Variants in KCMF1 observed in about 807,000 individuals in gnomAD.
KCMF1 encodes the protein potassium channel modulatory factor 1, also known as E3 ubiquitin-protein ligase KCMF1.
A neutral mutation model predicts 41.1 loss-of-function variants in KCMF1; 3 were observed. That is an observed-to-expected ratio of 0.07 (90% confidence interval 0.03 to 0.19). The LOEUF is 0.19. Ranked by LOEUF, KCMF1 falls within the 10% of genes least tolerant of loss-of-function variation. KCMF1 has a pLI of 1.00. For missense variants in KCMF1, 286 were observed against 488.9 expected (o/e 0.58, Z 3.91); for synonymous variants, 142 against 164.5 (o/e 0.86, Z 1.04).
At chr2:84,998,204 G>T (rs1214959884) in intron 1 of KCMF1, among the ~76,000 whole-genome samples, 2 of 151,872 alleles carry the variant, frequency 1.3e-5, no homozygotes, top group African/African-American at 4.8e-5. Flanking sequence ...CACTTCTCCT[G>T]CCTCAGCCTC....
intron 1 of KCMF1, among the ~76,000 whole-genome samples, chr2:84,974,691 ATTTTTTTTTTT>A (rs869056943): frequency 4.0e-3 from 58 of 14,626 alleles, no homozygotes; most frequent in Non-Finnish European, 4.6e-3. Context: ...ATATATATAT[ATTTTTTTTTTT>A]TTTTTTTTTT....
chr2:84,971,459 G>A lies in KCMF1; in HGVS notation c.8G>A (p.Arg3Gln), dbSNP rs1322457560. The A allele has an allele frequency of 7.8e-7, 1 of 1,281,690 alleles. No homozygotes were observed. Among genetic ancestry groups the A allele is most frequent in the Non-Finnish European group, 1.0e-6 (1 of 991,238 alleles). The allele number at this position is 1,281,690 out of a possible 1,614,324, so 79.4% of individuals were successfully genotyped here. ...GCCACCGTCTGAACTAGGATGTCCC[G>A]ACATGAAGGTGAGAGGAGCCCCCGC... MS[R>Q]HEGVSCDACL... is the part of the protein sequence containing the mutation. The change falls in exon 1 of 7, where the codon CGA (arginine) becomes CAA (glutamine). Residue 3 changes from arginine (R) to glutamine (Q), a missense_variant. This residue lies in a region of KCMF1 where 95 missense variants were observed against 209.6 expected (regional missense o/e 0.45). Coordinates refer to ENST00000409785, the MANE Select transcript of KCMF1 (RefSeq NM_020122.5).
At chr2:84,980,952 C>T (rs1312169656) in intron 1 of KCMF1, among the ~76,000 whole-genome samples, 1 of 151,836 alleles carries the variant, frequency 6.6e-6, no homozygotes, top group Admixed American at 6.6e-5. Flanking sequence ...AGCCTCATCT[C>T]TTCTATGGCC....
chr2:85,008,321 C>CATATATAATATATCATATGATATATA (rs1558573489), intron 1 of KCMF1, among the ~76,000 whole-genome samples: 1,594 of 43,880 alleles, frequency 0.036, 44 homozygotes, highest in Non-Finnish European at 0.053. Flanking sequence ...ATATATATAT[C>CATATATAATATATCATATGATATATA]ATATATAATA....
rs761546947 is a variant in KCMF1 at position 85,022,544 on chromosome 2, GT to G, written c.17-5343del. 2.0e-5 allele frequency among the ~76,000 whole-genome samples: 3 copies of G among 152,200 alleles called. No individual in the cohort carries two copies. In the East Asian group the frequency reaches 5.8e-4, roughly 29 times the overall value. On this transcript the variant is annotated intron_variant, in intron 1 of 6. Coordinates refer to ENST00000409785, the MANE Select transcript of KCMF1 (RefSeq NM_020122.5). ...CTGACAGTCCACTGACAGCCCAAAG[GT>G]TGTTGTAAACAATTCCAGCTTTGCT...
intron 1 of KCMF1, among the ~76,000 whole-genome samples, chr2:85,021,784 C>G (rs1674950913): frequency 6.6e-6 from 1 of 151,944 alleles, no homozygotes; most frequent in Non-Finnish European, 1.5e-5. Context: ...TTGTTAATGG[C>G]TAAGTAATAA....
Position 85,046,260 on chromosome 2 carries a change from G to T in KCMF1, c.583G>T (p.Ala195Ser). Residue 195 changes from alanine (A) to serine (S), a missense_variant, in exon 5 of 7, where the codon GCC (alanine) becomes TCC (serine). Physicochemically the swap from Ala to Ser is moderately conservative, Grantham distance 99. Around this residue, in one of 2 missense-constraint regions of KCMF1, gnomAD observed 191 missense variants for 279.3 expected, o/e 0.68. Coordinates refer to ENST00000409785, the MANE Select transcript of KCMF1 (RefSeq NM_020122.5). ...QSSYSPSNRE[A>S]MDPIAELLSQ... The stretch of plus-strand genomic sequence containing the variant: ...TTCATATTCTCCAAGCAATAGGGAA[G>T]CCATGGATCCTATAGCTGGTAAGTT... 1 of 1,612,558 alleles carries T rather than the reference G, an allele frequency of 6.2e-7. No individual in the cohort carries two copies. Among genetic ancestry groups the T allele is most frequent in the Non-Finnish European group, 8.5e-7 (1 of 1,179,112 alleles).
chr2:84,984,246 G>A (rs1673840267), intron 1 of KCMF1, among the ~76,000 whole-genome samples: 1 of 151,814 alleles, frequency 6.6e-6, no homozygotes, highest in South Asian at 2.1e-4. Context: ...GAAAAAATAA[G>A]TAAATAAAGT....
intron 5 of KCMF1, among the ~76,000 whole-genome samples, chr2:85,049,119 CAATTT>C (rs1476409835): frequency 2.0e-5 from 3 of 152,126 alleles, no homozygotes; most frequent in African/African-American, 7.2e-5. Context: ...ATTTTAAAGA[CAATTT>C]AAGTTTTACT....
intron 1 of KCMF1, among the ~76,000 whole-genome samples, chr2:84,978,682 A>G (rs1240913886): frequency 6.6e-6 from 1 of 151,420 alleles, no homozygotes; most frequent in Admixed American, 6.6e-5. Flanking sequence ...AAGTAGCTGC[A>G]TTACAGGCAT....
At chr2:85,032,196 G>T in intron 2 of KCMF1, among the ~76,000 whole-genome samples, 1 of 151,824 alleles carries the variant, frequency 6.6e-6, no homozygotes, top group South Asian at 2.1e-4. Flanking sequence ...CTTTGAGATG[G>T]AGTCTCCGTC....
rs1440741376 is a variant in KCMF1 at position 85,014,348 on chromosome 2, AAAAAGGATTATTATC to A, written c.17-13535_17-13521del. On this transcript the variant is annotated intron_variant, in intron 1 of 6. Transcript: ENST00000409785. ...TTCTGAAGGCATCTACTTCTGGGGA[AAAAAGGATTATTATC>A]AAAAGATATGCTTCAGTAGGCAACC... Among the ~76,000 whole-genome samples, 7 of 152,186 alleles carry A rather than the reference AAAAAGGATTATTATC, an allele frequency of 4.6e-5. No individual in the cohort carries two copies. The East Asian group carries it at 1.2e-3, about 25-fold the overall frequency.
chr2:85,008,827 C>A (rs1674585053), intron 1 of KCMF1, among the ~76,000 whole-genome samples: 1 of 150,064 alleles, frequency 6.7e-6, no homozygotes, highest in African/African-American at 2.5e-5. Context: ...TGCAGTGGCT[C>A]AATCTCACCT....
chr2:85,029,000 C>G (rs1232272985), intron 2 of KCMF1, among the ~76,000 whole-genome samples: 3 of 152,010 alleles, frequency 2.0e-5, no homozygotes, highest in African/African-American at 7.2e-5. Context: ...GACAGAGTCT[C>G]ACTCTGTCGC....
Position 85,043,700 on chromosome 2 carries a change from T to C in KCMF1, c.426+35T>C, listed in dbSNP as rs767166054. On this transcript the variant is annotated intron_variant, in intron 4 of 6. Transcript: ENST00000409785. ...TAAGAGATGACAAGGAAAAGAGTTGTTTGTAATGTTTGTCATTTTGATTTT... is the reference window on the plus strand; with the variant it reads ...TAAGAGATGACAAGGAAAAGAGTTGCTTGTAATGTTTGTCATTTTGATTTT... 3 of 1,356,692 alleles carry C rather than the reference T, an allele frequency of 2.2e-6. No homozygotes were observed. In the South Asian group the frequency reaches 3.6e-5, roughly 16 times the overall value. 84.0% of individuals were successfully genotyped at this position (1,356,692 alleles called of 1,614,324 possible).
intron 1 of KCMF1, among the ~76,000 whole-genome samples, chr2:84,991,515 G>A (rs1021359640): frequency 6.6e-6 from 1 of 152,104 alleles, no homozygotes; most frequent in Non-Finnish European, 1.5e-5. Context: ...ACATCATTTT[G>A]GTGGCCTGTG....
chr2:85,027,349 T>C (rs978200618), intron 1 of KCMF1, among the ~76,000 whole-genome samples: 1 of 151,188 alleles, frequency 6.6e-6, no homozygotes, highest in Non-Finnish European at 1.5e-5. Flanking sequence ...TTTTACCTTC[T>C]TGCTGGCTTA....
intron 1 of KCMF1, among the ~76,000 whole-genome samples, chr2:85,023,397 C>G (rs1367794937): frequency 2.0e-5 from 3 of 146,808 alleles, no homozygotes; most frequent in African/African-American, 7.6e-5. Context: ...CAGCTCACTG[C>G]AAGCTCCGCC....
intron 1 of KCMF1, among the ~76,000 whole-genome samples, chr2:85,012,504 C>A (rs1280336689): frequency 6.6e-6 from 1 of 152,146 alleles, no homozygotes; most frequent in Non-Finnish European, 1.5e-5. Flanking sequence ...TTCCTTCTTT[C>A]TTTTCCGTAT....
Sources: gnomAD v4.1 joint callset for allele counts (sites outside exome capture counted in the v4.1 genomes callset) on GRCh38, gnomAD v4.1.1 for gene constraint, gnomAD v4.1.1 regional missense constraint, MANE v1.5 for transcripts, NCBI Gene and HGNC (gene_info 2026-07-23, HGNC 2026-07-21) for gene names.